The following SLC26A5 variants were observed in gnomAD, a reference collection of about 807,000 sequenced individuals.
SLC26A5 encodes prestin.
A neutral mutation model predicts 81.0 loss-of-function variants in SLC26A5; 51 were observed. That is an observed-to-expected ratio of 0.63 (90% CI 0.50 to 0.80). SLC26A5 has a LOEUF of 0.80. Among genes scored for constraint, SLC26A5 ranks in the 30% least tolerant of loss-of-function variants. The pLI is 0.00. For synonymous variants in SLC26A5, 325 were observed against 332.8 expected (o/e 0.98, Z 0.25); for missense variants, 771 against 905.8 (o/e 0.85, Z 1.91).
intron 2 of SLC26A5, among the ~76,000 whole-genome samples, chr7:103,423,609 C>T (rs894410407): frequency 7.2e-5 from 11 of 152,150 alleles, no homozygotes; most frequent in Non-Finnish European, 1.6e-4. Context: ...CACCCCCTTT[C>T]ATCCCTTCTG....
In SLC26A5 at chr7:103,391,330, T is replaced by C. The variant is rs72655388; in HGVS notation, c.1233+292A>G. ...CTGGATGGTGATGGCATACTGCCCA[T>C]ACTCAGTCTCAGGCTTTCATAACAA... On this transcript the variant is annotated intron_variant, in intron 11 of 19. Coordinates refer to ENST00000306312, the MANE Select transcript of SLC26A5 (RefSeq NM_198999.3). 0.067 allele frequency among the ~76,000 whole-genome samples: 10,179 copies of C among 152,312 alleles called. 1,124 individuals are homozygous for C. Among genetic ancestry groups the C allele is most frequent in the African/African-American group, 0.23 (9,641 of 41,538 alleles).
chr7:103,365,956 G>A (rs573621254), intron 19 of SLC26A5: 2 of 771,614 alleles, frequency 2.6e-6, no homozygotes, highest in African/African-American at 1.8e-5. Flanking sequence ...AAAACGTTTA[G>A]GTAATAATGG....
chr7:103,435,819 ATATCCCAT>A (rs940416600), intron 2 of SLC26A5, among the ~76,000 whole-genome samples: 1 of 152,142 alleles, frequency 6.6e-6, no homozygotes, highest in Non-Finnish European at 1.5e-5. Context: ...AAGCATTTTC[ATATCCCAT>A]TATCTTCAGA....
chr7:103,380,550 C>G lies in SLC26A5; in HGVS notation c.1515-1G>C. 3 of 1,612,946 alleles carry G rather than the reference C, an allele frequency of 1.9e-6. No individual in the cohort carries two copies. The highest frequency in any genetic ancestry group is 2.5e-6 in the Non-Finnish European group (3 of 1,179,026). On this transcript the variant is annotated splice_acceptor_variant, in intron 14 of 19. Transcript: ENST00000306312. LOFTEE classifies it high-confidence loss of function. ...CTTTCCAAGGACTTTGTAGCTTGGA[C>G]TGAAGATAAAGAGTGTTAAATACCA...
At chr7:103,437,189 G>A (rs540024574) in intron 2 of SLC26A5, among the ~76,000 whole-genome samples, 1 of 152,304 alleles carries the variant, frequency 6.6e-6, no homozygotes, top group African/African-American at 2.4e-5. Context: ...AAAATGTCCA[G>A]CATTACCAAT....
At chr7:103,432,575 A>G (rs745848770) in intron 2 of SLC26A5, among the ~76,000 whole-genome samples, 1 of 152,144 alleles carries the variant, frequency 6.6e-6, no homozygotes, top group Non-Finnish European at 1.5e-5. Context: ...TTCTAATTTC[A>G]TAGTGTTGCA....
chr7:103,359,708 C>T (rs1217623202), intron 19 of SLC26A5, among the ~76,000 whole-genome samples: 1 of 152,200 alleles, frequency 6.6e-6, no homozygotes, highest in African/African-American at 2.4e-5. Flanking sequence ...ATTGGTGAGA[C>T]ATTCTTCTCA....
At chr7:103,366,977 G>GT (rs970782055) in intron 19 of SLC26A5, among the ~76,000 whole-genome samples, 2 of 152,068 alleles carry the variant, frequency 1.3e-5, no homozygotes, top group African/African-American at 4.8e-5. Context: ...GCTAATTTTT[G>GT]TATTTTTAGT....
intron 1 of SLC26A5, chr7:103,445,850 G>C (rs1184616387): frequency 6.5e-6 from 1 of 152,882 alleles, no homozygotes; most frequent in Non-Finnish European, 1.5e-5. Flanking sequence ...CAGAGGGCAA[G>C]GGGACAGGGG....
chr7:103,371,426 G>T (rs1049229058), downstream of SLC26A5, among the ~76,000 whole-genome samples: 3 of 145,444 alleles, frequency 2.1e-5, no homozygotes, highest in Admixed American at 1.4e-4. Context: ...CCGGGTTCAC[G>T]CCATTCTCCT....
In SLC26A5 at chr7:103,374,341, G is replaced by C; in HGVS notation, c.*58C>G. The C allele has an allele frequency of 6.2e-7, 1 of 1,604,814 alleles. No individual in the cohort carries two copies. The highest frequency in any genetic ancestry group is 1.1e-5 in the South Asian group (1 of 89,690). On this transcript the variant is annotated 3_prime_UTR_variant, in exon 20 of 20. Transcript: ENST00000306312. Reference sequence around the variant, plus strand: ...AAATCTAGCGTCTAGTATTTAAAACGTGTAAATTATGAACTTCATGAGAGG... The same window carrying C: ...AAATCTAGCGTCTAGTATTTAAAACCTGTAAATTATGAACTTCATGAGAGG...
At chr7:103,436,214 T>C (rs1826440693) in intron 2 of SLC26A5, among the ~76,000 whole-genome samples, 1 of 152,124 alleles carries the variant, frequency 6.6e-6, no homozygotes, top group Admixed American at 6.6e-5. Flanking sequence ...GTTAAGATAT[T>C]TTCTGTTATC....
chr7:103,404,714 T>G (rs1201619072), intron 8 of SLC26A5, among the ~76,000 whole-genome samples: 1 of 152,182 alleles, frequency 6.6e-6, no homozygotes, highest in African/African-American at 2.4e-5. Context: ...TTTCCTGAAT[T>G]TGACTGTTGG....
chr7:103,420,713 G>A (rs1230586690), intron 4 of SLC26A5, 25 bp downstream of exon 4: 1 of 1,613,548 alleles, frequency 6.2e-7, no homozygotes, highest in South Asian at 1.1e-5. Flanking sequence ...ACAGCAAGGG[G>A]GGAAAGAAAG....
In SLC26A5 at chr7:103,420,859, T is replaced by C. The variant is rs1825293065; in HGVS notation, c.171A>G (p.Ile57Met). 6.2e-7 allele frequency: 1 copy of C among 1,611,728 alleles called. No individual in the cohort carries two copies. Reference protein sequence around the residue: ...KQAFTCTPKKIRNIIYMFLPI... With the variant: ...KQAFTCTPKKMRNIIYMFLPI... Reference sequence around the variant, plus strand: ...GTAGGAACATATAAATGATATTTCTTATTTTTTTAGGAGTACATCTGAAAG... The same window carrying C: ...GTAGGAACATATAAATGATATTTCTCATTTTTTTAGGAGTACATCTGAAAG... The change falls in exon 4 of 20, where the codon ATA becomes ATG. Residue 57 changes from isoleucine (I) to methionine (M), a missense_variant. Transcript: ENST00000306312.
At chr7:103,445,621 G>C (rs1313732548) in intron 1 of SLC26A5, 1 of 152,240 alleles carries the variant, frequency 6.6e-6, no homozygotes, top group African/African-American at 2.4e-5. Context: ...TGCTCCCTGG[G>C]AGCTCCGGGC....
rs183650174 is a variant in SLC26A5 at position 103,356,392 on chromosome 7, G to C, written c.2042-3466C>G. On this transcript the variant is annotated intron_variant, in intron 19 of 19. Transcript: ENST00000339444. Reference sequence around the variant, plus strand: ...AGCTTACTACAAGTGGAATTCTAGGGGTCAAAGATATTATAGTTTTAAAAT... The same window carrying C: ...AGCTTACTACAAGTGGAATTCTAGGCGTCAAAGATATTATAGTTTTAAAAT... Among the ~76,000 whole-genome samples, 8 of 152,146 alleles carry C rather than the reference G, an allele frequency of 5.3e-5. No individual in the cohort carries two copies. The East Asian group carries it at 1.2e-3, about 22-fold the overall frequency.
intron 17 of SLC26A5, among the ~76,000 whole-genome samples, 184 bp from the exon 18 acceptor site, chr7:103,377,983 T>C (rs895788377): frequency 6.6e-6 from 1 of 152,214 alleles, no homozygotes; most frequent in African/African-American, 2.4e-5. Flanking sequence ...TGTATAACAT[T>C]CCATTTTAAG....
At chr7:103,394,519 A>G (rs533781394) in intron 9 of SLC26A5, among the ~76,000 whole-genome samples, 1 of 152,356 alleles carries the variant, frequency 6.6e-6, no homozygotes, top group East Asian at 1.9e-4. Flanking sequence ...AGTTAAGGAA[A>G]GTAAACAAAC....
Sources: gnomAD v4.1 joint callset for allele counts (sites outside exome capture counted in the v4.1 genomes callset) on GRCh38, gnomAD v4.1.1 for gene constraint, MANE v1.5 for transcripts, NCBI Gene and HGNC (gene_info 2026-07-23, HGNC 2026-07-21) for gene names.